The following TOR3A variants were observed in gnomAD, a reference collection of about 807,000 sequenced individuals.
The protein encoded by TOR3A is torsin family 3 member A.
In TOR3A, 44 loss-of-function variants were observed where a neutral mutation model predicts 42.1. That is an observed-to-expected ratio of 1.04 (90% CI 0.82 to 1.34). The LOEUF (loss-of-function observed/expected upper bound fraction) is 1.34. TOR3A is among the 40% of genes most tolerant of loss of function. The pLI is 0.00. For missense variants in TOR3A, 521 were observed against 507.6 expected (o/e 1.03, Z -0.25); for synonymous variants, 227 against 213.2 (o/e 1.06, Z -0.57).
At chr1:179,093,081 A>T (rs1256816462) in intron 4 of TOR3A, among the ~76,000 whole-genome samples, 2 of 152,110 alleles carry the variant, frequency 1.3e-5, no homozygotes, top group Non-Finnish European at 2.9e-5. Context: ...GAGCTGGTGG[A>T]GCTGGCTGAG....
rs774109466 is a variant in TOR3A, at chr1:179,083,042, A to G, written c.362A>G (p.Asn121Ser). 30 of 1,545,670 alleles carry G rather than the reference A, an allele frequency of 1.9e-5. No individual in the cohort carries two copies. In the South Asian group the frequency reaches 2.3e-4, roughly 12 times the overall value. ...CCTAGAGGGGATTGCAGAATCTCCA[A>G]CAACTTTACAGGTTGGACCCCGCAT... The part of the protein sequence containing the change: ...CCPRGDCRIS[N>S]NFTGLEWDLN... Residue 121 changes from asparagine to serine, a missense_variant, in exon 2 of 6, where the codon AAC becomes AGC. Physicochemically the swap from Asn to Ser is conservative, Grantham distance 46. Coordinates refer to ENST00000367627, the MANE Select transcript of TOR3A (RefSeq NM_022371.4).
At chr1:179,093,617 C>T (rs1572577609) in intron 4 of TOR3A, among the ~76,000 whole-genome samples, 1 of 152,320 alleles carries the variant, frequency 6.6e-6, no homozygotes, top group South Asian at 2.1e-4. Flanking sequence ...CATGCCTGTG[C>T]TCCTCTGGCG....
chr1:179,093,319 C>G (rs1162986882), intron 4 of TOR3A, among the ~76,000 whole-genome samples: 2 of 152,166 alleles, frequency 1.3e-5, no homozygotes, highest in Non-Finnish European at 1.5e-5. Context: ...ATATCACAAC[C>G]TGAGAGAGAT....
At chr1:179,086,658 T>TC (rs1419743527) in intron 3 of TOR3A, among the ~76,000 whole-genome samples, 1 of 102,134 alleles carries the variant, frequency 9.8e-6, no homozygotes, top group Non-Finnish European at 1.8e-5. Context: ...AGAGCAAGAC[T>TC]CCATCTCAAA....
chr1:179,087,954 A>G lies in TOR3A; in HGVS notation c.683A>G (p.His228Arg). ...SQIRETQQLC[H>R]QTLFIFDEAE... Reference sequence around the variant, plus strand: ...ATCCGGGAGACGCAGCAGCTCTGCCACCAGACCCTGTTCATCTTCGATGAA... The same window carrying G: ...ATCCGGGAGACGCAGCAGCTCTGCCGCCAGACCCTGTTCATCTTCGATGAA... Residue 228 changes from histidine to arginine, a missense_variant, in exon 4 of 6, where the codon CAC becomes CGC. Transcript: ENST00000367627. 6.2e-7 allele frequency: 1 copy of G among 1,610,566 alleles called. No homozygotes were observed. Among genetic ancestry groups the G allele is most frequent in the African/African-American group, 1.3e-5 (1 of 74,882 alleles).
At chr1:179,087,554 G>A (rs2102543424) in intron 3 of TOR3A, among the ~76,000 whole-genome samples, 2 of 152,338 alleles carry the variant, frequency 1.3e-5, no homozygotes, top group Non-Finnish European at 2.9e-5. Flanking sequence ...GACATTGTTA[G>A]CTCCTGGATG....
chr1:179,085,359 G>A, intron 2 of TOR3A: 2 of 382,036 alleles, frequency 5.2e-6, no homozygotes, highest in African/African-American at 4.0e-5. Flanking sequence ...GGGAGGCGGA[G>A]GTTGCAGTGA....
At chr1:179,088,892 G>A (rs558725153) in intron 4 of TOR3A, among the ~76,000 whole-genome samples, 1 of 152,230 alleles carries the variant, frequency 6.6e-6, no homozygotes, top group Non-Finnish European at 1.5e-5. Context: ...AACAGCTCGA[G>A]CCTCGGTAGG....
chr1:179,082,691 C>T (rs1390405694), intron 1 of TOR3A: 3 of 703,510 alleles, frequency 4.3e-6, no homozygotes, highest in Non-Finnish European at 5.2e-6. Context: ...CCCACCCTGG[C>T]GTTATTCGAA....
intron 4 of TOR3A, 54 bp downstream of exon 4, chr1:179,088,143 T>A: frequency 6.7e-7 from 1 of 1,490,010 alleles, no homozygotes; most frequent in Non-Finnish European, 9.0e-7. Flanking sequence ...AGATACTAGC[T>A]GGCAGTGGAG....
At position 179,094,085 on chromosome 1, in the gene TOR3A, T is replaced by G. The variant is rs761662923; in HGVS notation, c.819-8T>G. On this transcript the variant is annotated splice_region_variant and splice_polypyrimidine_tract_variant and intron_variant, in intron 4 of 5. Transcript: ENST00000367627. ...ACAAATGGGTTAACAAGCTCTTGTCTCTTTCAGTAATCTCAGGGGCGATAT... is the reference window on the plus strand; with the variant it reads ...ACAAATGGGTTAACAAGCTCTTGTCGCTTTCAGTAATCTCAGGGGCGATAT... The G allele has an allele frequency of 6.2e-7, 1 of 1,611,576 alleles. No homozygotes were observed. The highest frequency in any genetic ancestry group is 1.7e-5 in the Admixed American group (1 of 59,424).
intron 4 of TOR3A, among the ~76,000 whole-genome samples, chr1:179,089,460 G>A (rs112283751): frequency 9.2e-5 from 14 of 152,274 alleles, no homozygotes; most frequent in East Asian, 3.9e-4. Context: ...GGAGTGGGGC[G>A]CCCAGGGTGA....
Position 179,095,404 on chromosome 1 carries a change from C to CTTTTT in TOR3A, c.*190_*194dup. 2 of 1,339,370 alleles carry CTTTTT rather than the reference C, an allele frequency of 1.5e-6. No homozygotes were observed. The highest frequency in any genetic ancestry group is 1.9e-6 in the Non-Finnish European group (2 of 1,046,020). The allele number at this position is 1,339,370 out of a possible 1,614,324, so 83.0% of individuals were successfully genotyped here. On this transcript the variant is annotated 3_prime_UTR_variant, in exon 6 of 6. Transcript: ENST00000367627. ...ATTAGAAGCCAAGCCAATCCTTTTT[C>CTTTTT]TTTTTTTTGGAGGTCCCACCGAGAT...
chr1:179,086,505 A>G (rs1652437610), intron 3 of TOR3A, among the ~76,000 whole-genome samples: 1 of 152,166 alleles, frequency 6.6e-6, no homozygotes, highest in South Asian at 2.1e-4. Context: ...TCTCTACTAA[A>G]AATACAAAAA....
chr1:179,092,494 G>A (rs1017714685), intron 4 of TOR3A, among the ~76,000 whole-genome samples: 2 of 152,200 alleles, frequency 1.3e-5, no homozygotes, highest in South Asian at 2.1e-4. Context: ...GGAGACTGAG[G>A]TGGGAGAATC....
At chr1:179,087,784 CGGGGGGCGGGGGGT>C in intron 3 of TOR3A, 113 bp from the exon 4 acceptor site, 1 of 804,758 alleles carries the variant, frequency 1.2e-6, no homozygotes, top group Non-Finnish European at 1.9e-6. Context: ...TAGGTTCTGG[CGGGGGGCGGGGGGT>C]GGGGAACCCA....
Position 179,095,795 on chromosome 1 carries a change from G to T in TOR3A, c.*577G>T. ...AGAGGAAAGCCAAGCTGCTTCTGTT[G>T]TGAGCGAATCAGCCAAGAGCCTGAG... is the stretch of plus-strand genomic sequence containing the variant. On this transcript the variant is annotated 3_prime_UTR_variant, in exon 6 of 6. Coordinates refer to ENST00000367627, the MANE Select transcript of TOR3A (RefSeq NM_022371.4). 5 of 988,194 alleles carry T rather than the reference G, an allele frequency of 5.1e-6. No individual in the cohort carries two copies. The highest frequency in any genetic ancestry group is 3.5e-5 in the African/African-American group (2 of 57,292). 61.2% of individuals were successfully genotyped at this position (988,194 alleles called of 1,614,324 possible). A position where few individuals can be genotyped will look rare whatever the true frequency, so the allele number is the denominator to read the frequency against.
At chr1:179,084,360 G>A (rs1385413024) in intron 2 of TOR3A, among the ~76,000 whole-genome samples, 1 of 152,180 alleles carries the variant, frequency 6.6e-6, no homozygotes, top group Admixed American at 6.5e-5. Flanking sequence ...CCGAGTGGCT[G>A]GGATTATAGG....
chr1:179,082,755 T>G, intron 1 of TOR3A, 185 bp from the exon 2 acceptor site: 1 of 705,320 alleles, frequency 1.4e-6, no homozygotes, highest in South Asian at 1.5e-5. Context: ...GCCTGGTGAC[T>G]GCCGTCTCCC....
Sources: gnomAD v4.1 joint callset for allele counts (sites outside exome capture counted in the v4.1 genomes callset) on GRCh38, gnomAD v4.1.1 for gene constraint, MANE v1.5 for transcripts, NCBI Gene and HGNC (gene_info 2026-07-23, HGNC 2026-07-21) for gene names.